SERAC1: variants seen among roughly 807,000 people sequenced by gnomAD.
The protein encoded by SERAC1 is serine active site containing 1, also known as protein SERAC1.
A neutral mutation model predicts 85.7 loss-of-function variants in SERAC1; 36 were observed. The ratio of observed to expected loss-of-function variants is 0.42; its 90% CI spans 0.32 to 0.55. SERAC1 has a LOEUF of 0.55. Ranked by LOEUF, SERAC1 falls within the 20% of genes least tolerant of loss-of-function variation. The pLI is 0.11. For synonymous variants in SERAC1, 242 were observed against 265.3 expected, an observed-to-expected ratio of 0.91 and a Z score of 0.85; for missense variants, 629 against 796.2, an observed-to-expected ratio of 0.79 and a Z score of 2.53.
intron 1 of SERAC1, among the ~76,000 whole-genome samples, chr6:158,162,382 T>C (rs1785507664): frequency 6.6e-6 from 1 of 152,218 alleles, no homozygotes; most frequent in African/African-American, 2.4e-5. Context: ...CAATATTATA[T>C]TCCATCTGGC....
chr6:158,139,894 T>G (rs1266379837), intron 8 of SERAC1, among the ~76,000 whole-genome samples: 2 of 152,188 alleles, frequency 1.3e-5, no homozygotes, highest in African/African-American at 4.8e-5. Flanking sequence ...ATGAAGATAC[T>G]ACTTCACACA....
intron 9 of SERAC1, among the ~76,000 whole-genome samples, chr6:158,128,985 A>C (rs1415662362): frequency 2.0e-5 from 3 of 152,220 alleles, no homozygotes; most frequent in African/African-American, 7.2e-5. Context: ...CAAGGACATG[A>C]CACCATATGT....
intron 10 of SERAC1, among the ~76,000 whole-genome samples, chr6:158,121,288 G>A (rs188533914): frequency 7.2e-5 from 11 of 152,170 alleles, no homozygotes; most frequent in African/African-American, 2.2e-4. Flanking sequence ...TGTAAAAAAC[G>A]TATGTTTAGC....
chr6:158,149,081 C>A, intron 4 of SERAC1, 127 bp from the exon 5 acceptor site: 1 of 611,128 alleles, frequency 1.6e-6, no homozygotes. Flanking sequence ...GCTCTGCCTC[C>A]CGGGTTCACC....
chr6:158,119,148 G>C lies in SERAC1; in HGVS notation c.1189C>G (p.Leu397Val). Residue 397 changes from leucine (L) to valine (V), a missense_variant, in exon 12 of 17, where the codon CTT becomes GTT. Physicochemically the swap from Leu to Val is conservative, Grantham distance 32 (BLOSUM62 1). Transcript: ENST00000647468. This position sits in a 1 kb window ranked among gnomAD's most constrained non-coding sequence, Gnocchi z 4.5. ...RTSQPIKADV[L>V]FIHGLMGAAF... ...GCTCCCATAAGGCCATGAATAAAAAGGACATCTGCTTTAATGGGCTGACTA... is the reference window on the plus strand; with the variant it reads ...GCTCCCATAAGGCCATGAATAAAAACGACATCTGCTTTAATGGGCTGACTA... The C allele has an allele frequency of 6.2e-7, 1 of 1,612,276 alleles. No individual in the cohort carries two copies.
chr6:158,124,357 A>G (rs1257383701), intron 10 of SERAC1, among the ~76,000 whole-genome samples: 1 of 152,152 alleles, frequency 6.6e-6, no homozygotes, highest in Admixed American at 6.5e-5. Context: ...GAAGTTCCAG[A>G]AAAAGATAAG....
intron 8 of SERAC1, among the ~76,000 whole-genome samples, chr6:158,132,252 T>G (rs1784695277): frequency 6.6e-6 from 1 of 152,222 alleles, no homozygotes; most frequent in Admixed American, 6.5e-5. Context: ...TTTTAGTTAA[T>G]TTATAAGGTC....
intron 2 of SERAC1, among the ~76,000 whole-genome samples, chr6:158,156,847 TTA>T (rs1164923275): frequency 5.9e-5 from 8 of 136,652 alleles, no homozygotes; most frequent in African/African-American, 2.3e-4. Flanking sequence ...TAAATATATT[TTA>T]TATATAATAA....
chr6:158,147,854 A>G (rs1785109811), intron 5 of SERAC1, among the ~76,000 whole-genome samples: 1 of 147,686 alleles, frequency 6.8e-6, no homozygotes, highest in African/African-American at 2.5e-5. Context: ...ATTTTACCGT[A>G]TTTTCTTCAT....
intron 4 of SERAC1, 23 bp from the exon 5 acceptor site, chr6:158,148,977 T>C (rs781684552): frequency 6.5e-7 from 1 of 1,539,428 alleles, no homozygotes; most frequent in Non-Finnish European, 8.8e-7. Context: ...TAAAATTAAG[T>C]AAAACCAAGA....
Position 158,146,855 on chromosome 6 carries a change from C to A in SERAC1, c.414G>T (p.Arg138=). ...DHECAVWLLL[R]KSKSDDKTTR... is the part of the protein sequence containing the mutation. ...TGGTTTTGTCATCTGACTTGCTCTT[C>A]CGTAGGAGCAGCCACACAGCACACT... The change falls in exon 6 of 17, where the codon CGG becomes CGT. Residue 138 remains arginine (R), a synonymous_variant. Transcript: ENST00000647468. 6.2e-7 allele frequency: 1 copy of A among 1,613,752 alleles called. No homozygotes were observed. The highest frequency in any genetic ancestry group is 8.5e-7 in the Non-Finnish European group (1 of 1,179,800).
chr6:158,120,331 C>T lies in SERAC1; in HGVS notation c.1166+94G>A. 1 of 1,260,748 alleles carries T rather than the reference C, an allele frequency of 7.9e-7. No homozygotes were observed. The highest frequency in any genetic ancestry group is 1.1e-6 in the Non-Finnish European group (1 of 929,354). The allele number at this position is 1,260,748 out of a possible 1,614,324, so 78.1% of individuals were successfully genotyped here. A position where few individuals can be genotyped will look rare whatever the true frequency, so the allele number is the denominator to read the frequency against. On this transcript the variant is annotated intron_variant, in intron 11 of 16. Coordinates refer to ENST00000647468, the MANE Select transcript of SERAC1 (RefSeq NM_032861.4). The surrounding 1 kb of genome is among the most constrained non-coding windows in gnomAD (Gnocchi z 4.4). ...GATATTTGACTTATAAGTTATTTAA[C>T]TTATCTGAATTATGCAGAAATAAGT...
At chr6:158,150,110 G>C (rs1238143588) in intron 4 of SERAC1, among the ~76,000 whole-genome samples, 1 of 152,160 alleles carries the variant, frequency 6.6e-6, no homozygotes, top group East Asian at 1.9e-4. Flanking sequence ...CCTTAAAGTA[G>C]AAATATCACT....
chr6:158,151,908 T>A (rs1354353652), intron 3 of SERAC1, among the ~76,000 whole-genome samples: 1 of 152,064 alleles, frequency 6.6e-6, no homozygotes, highest in Non-Finnish European at 1.5e-5. Context: ...AGGTTAATTA[T>A]TAAAGCCAGG....
intron 10 of SERAC1, among the ~76,000 whole-genome samples, chr6:158,125,300 T>C (rs1784513704): frequency 6.6e-6 from 1 of 152,174 alleles, no homozygotes; most frequent in African/African-American, 2.4e-5. Flanking sequence ...ACAACTATCA[T>C]GTACATAAAA....
At chr6:158,128,436 A>G (rs1309252500) in intron 9 of SERAC1, among the ~76,000 whole-genome samples, 166 bp from the exon 10 acceptor site, 1 of 152,208 alleles carries the variant, frequency 6.6e-6, no homozygotes, top group Non-Finnish European at 1.5e-5. Flanking sequence ...GCAAATCCCT[A>G]TTTAAGTGGG....
rs755499771 is a variant in SERAC1 at position 158,119,852 on chromosome 6, T to G, written c.1166+573A>C. 1.3e-5 allele frequency among the ~76,000 whole-genome samples: 2 copies of G among 152,242 alleles called. No homozygotes were observed. The highest frequency in any genetic ancestry group is 2.9e-5 in the Non-Finnish European group (2 of 68,032). On this transcript the variant is annotated intron_variant, in intron 11 of 16. Transcript: ENST00000647468. The surrounding 1 kb of genome is among the most constrained non-coding windows in gnomAD (Gnocchi z 4.5). ...AGAAAACCAAGAAATATGTTATTTTTTCAGTGTGGTCCCTTCTATATTTAT... is the reference window on the plus strand; with the variant it reads ...AGAAAACCAAGAAATATGTTATTTTGTCAGTGTGGTCCCTTCTATATTTAT...
intron 9 of SERAC1, among the ~76,000 whole-genome samples, chr6:158,129,661 G>A (rs1312323932): frequency 1.3e-5 from 2 of 151,606 alleles, no homozygotes; most frequent in Non-Finnish European, 1.5e-5. Context: ...TACACTTCAA[G>A]AGTATAGTCA....
Position 158,120,331 on chromosome 6 carries a change from CT to C in SERAC1, c.1166+93del, listed in dbSNP as rs1784388256. 8 of 1,260,630 alleles carry C rather than the reference CT, an allele frequency of 6.3e-6. No individual in the cohort carries two copies. Among genetic ancestry groups the C allele is most frequent in the Non-Finnish European group, 8.6e-6 (8 of 929,362 alleles). The allele number at this position is 1,260,630 out of a possible 1,614,324, so 78.1% of individuals were successfully genotyped here. A position where few individuals can be genotyped will look rare whatever the true frequency, so the allele number is the denominator to read the frequency against. On this transcript the variant is annotated intron_variant, in intron 11 of 16. Coordinates refer to ENST00000647468, the MANE Select transcript of SERAC1 (RefSeq NM_032861.4). The surrounding 1 kb of genome is among the most constrained non-coding windows in gnomAD (Gnocchi z 4.4). ...GATATTTGACTTATAAGTTATTTAA[CT>C]TATCTGAATTATGCAGAAATAAGTT...
Sources: gnomAD v4.1 joint callset for allele counts (sites outside exome capture counted in the v4.1 genomes callset) on GRCh38, gnomAD v4.1.1 for gene constraint, Gnocchi (gnomAD v3.1) non-coding constraint, MANE v1.5 for transcripts, NCBI Gene and HGNC (gene_info 2026-07-23, HGNC 2026-07-21) for gene names.